The following TMEM200A variants were observed in gnomAD, a reference collection of about 807,000 sequenced individuals.
TMEM200A encodes the protein two transmembrane C.
In TMEM200A, 12 loss-of-function variants were observed where a neutral mutation model predicts 24.3. The ratio of observed to expected loss-of-function variants is 0.49; its 90% CI spans 0.32 to 0.80. The LOEUF is 0.80. Ranked by LOEUF, TMEM200A falls within the 30% of genes least tolerant of loss-of-function variation. The pLI is 0.04. For synonymous variants in TMEM200A, 224 were observed against 224.4 expected (o/e 1.00, Z 0.02); for missense variants, 545 against 614.4 (o/e 0.89, Z 1.19).
intron 2 of TMEM200A, among the ~76,000 whole-genome samples, chr6:130,399,001 AGTTT>A (rs1371813276): frequency 6.6e-6 from 1 of 151,908 alleles, no homozygotes; most frequent in Non-Finnish European, 1.5e-5. Flanking sequence ...ACACAATCTT[AGTTT>A]GTCTGAAAAT....
chr6:130,398,257 A>T (rs1051074402), intron 2 of TMEM200A, among the ~76,000 whole-genome samples: 1 of 151,980 alleles, frequency 6.6e-6, no homozygotes, highest in Admixed American at 6.6e-5. Flanking sequence ...CTCTCAGGTT[A>T]ATGGCCTCCA....
chr6:130,392,993 G>C (rs1257451408), intron 2 of TMEM200A, among the ~76,000 whole-genome samples: 1 of 152,236 alleles, frequency 6.6e-6, no homozygotes, highest in Non-Finnish European at 1.5e-5. Flanking sequence ...GTTCAATACA[G>C]CTAGGATTCC....
chr6:130,382,011 T>C (rs1016186365), intron 1 of TMEM200A: 4 of 970,936 alleles, frequency 4.1e-6, no homozygotes, highest in Admixed American at 6.2e-5. Flanking sequence ...AAAGATATAT[T>C]GTGAACCTTT....
At chr6:130,429,212 A>G (rs1052194709) in intron 2 of TMEM200A, among the ~76,000 whole-genome samples, 2 of 152,202 alleles carry the variant, frequency 1.3e-5, no homozygotes, top group African/African-American at 4.8e-5. Flanking sequence ...AGAACAGACT[A>G]GAAACTTTTG....
intron 2 of TMEM200A, among the ~76,000 whole-genome samples, chr6:130,428,131 A>G (rs1286607538): frequency 6.6e-6 from 1 of 152,144 alleles, no homozygotes; most frequent in Non-Finnish European, 1.5e-5. Flanking sequence ...TATTCCTGAC[A>G]TCTTAGGCAA....
rs770072764 is a variant in TMEM200A, at chr6:130,441,759, C to A, written c.1337C>A (p.Pro446His). The A allele has an allele frequency of 2.5e-6, 4 of 1,613,970 alleles. No homozygotes were observed. The Admixed American group carries it at 6.7e-5, about 27-fold the overall frequency. Reference sequence around the variant, plus strand: ...GACCCGATGGATAGGTTGCTTGTGCCCCAAGTTGCCATCAAAAAGGACTTT... The same window carrying A: ...GACCCGATGGATAGGTTGCTTGTGCACCAAGTTGCCATCAAAAAGGACTTT... ...KEDPMDRLLV[P>H]QVAIKKDFTN... The change falls in exon 3 of 3, where the codon CCC becomes CAC. Residue 446 changes from proline (P) to histidine (H), a missense_variant. Pro to His is a moderately conservative substitution (Grantham distance 77, BLOSUM62 -2). Transcript: ENST00000296978.
intron 2 of TMEM200A, among the ~76,000 whole-genome samples, chr6:130,396,378 T>A (rs1246577224): frequency 6.6e-6 from 1 of 151,708 alleles, no homozygotes; most frequent in East Asian, 1.9e-4. Context: ...TTTTTTTTTT[T>A]TTAAACTAAG....
intron 2 of TMEM200A, chr6:130,438,766 T>C (rs1363572914): frequency 6.6e-6 from 1 of 152,220 alleles, no homozygotes; most frequent in Non-Finnish European, 1.5e-5. Flanking sequence ...TGATCATAAG[T>C]AGAAGAACTG....
At chr6:130,422,092 C>T (rs1779606444) in intron 2 of TMEM200A, among the ~76,000 whole-genome samples, 1 of 152,060 alleles carries the variant, frequency 6.6e-6, no homozygotes, top group Non-Finnish European at 1.5e-5. Context: ...ATTGCTGGAT[C>T]GTATGGTAGT....
At chr6:130,436,851 T>A (rs1483200294) in intron 2 of TMEM200A, among the ~76,000 whole-genome samples, 4 of 152,090 alleles carry the variant, frequency 2.6e-5, no homozygotes, top group Non-Finnish European at 4.4e-5. Context: ...GGAGTCTTGC[T>A]ATGTTGCCAG....
chr6:130,434,329 T>A (rs996498599), intron 2 of TMEM200A, among the ~76,000 whole-genome samples: 10 of 152,218 alleles, frequency 6.6e-5, no homozygotes, highest in Non-Finnish European at 5.9e-5. Context: ...GTCTGCTAAT[T>A]CAGTGTTTGA....
chr6:130,436,446 A>G (rs1196098627), intron 2 of TMEM200A, among the ~76,000 whole-genome samples: 1 of 151,062 alleles, frequency 6.6e-6, no homozygotes, highest in African/African-American at 2.4e-5. Flanking sequence ...ACAGTCATAA[A>G]AGTGTAGGAT....
intron 2 of TMEM200A, among the ~76,000 whole-genome samples, chr6:130,387,145 T>C (rs745656754): frequency 1.8e-4 from 27 of 152,208 alleles, no homozygotes; most frequent in Non-Finnish European, 3.5e-4. Flanking sequence ...GACACTGAGA[T>C]GCCTAAGAGG....
intron 2 of TMEM200A, among the ~76,000 whole-genome samples, chr6:130,428,407 T>TCCTTTTTTCTTTATCCTCCA (rs1180912348): frequency 1.3e-5 from 2 of 152,174 alleles, no homozygotes; most frequent in East Asian, 3.8e-4. Flanking sequence ...CTCCACCTTT[T>TCCTTTTTTCTTTATCCTCCA]CCTTTTTTCT....
chr6:130,415,540 G>A (rs937598364), intron 2 of TMEM200A, among the ~76,000 whole-genome samples: 6 of 152,244 alleles, frequency 3.9e-5, no homozygotes, highest in Non-Finnish European at 7.4e-5. Flanking sequence ...TGAAGTCTCC[G>A]TAACATGGCA....
chr6:130,403,503 G>T (rs1452290507), intron 2 of TMEM200A, among the ~76,000 whole-genome samples: 1 of 151,954 alleles, frequency 6.6e-6, no homozygotes, highest in Non-Finnish European at 1.5e-5. Flanking sequence ...AGAAGAGGCA[G>T]ATTATATGCT....
Position 130,442,916 on chromosome 6 carries a change from G to C in TMEM200A, c.*1018G>C, listed in dbSNP as rs1058620. 1 of 166,758 alleles carries C rather than the reference G, an allele frequency of 6.0e-6. No individual in the cohort carries two copies. The highest frequency in any genetic ancestry group is 1.5e-5 in the Non-Finnish European group (1 of 68,044). 10.3% of individuals were successfully genotyped at this position (166,758 alleles called of 1,614,324 possible). On this transcript the variant is annotated 3_prime_UTR_variant, in exon 3 of 3. Transcript: ENST00000296978. Reference sequence around the variant, plus strand: ...TATCTCGGTAGTTCAAAAAAATTTAGTTCTTGATAAATTGCCTTGAAGTTT... The same window carrying C: ...TATCTCGGTAGTTCAAAAAAATTTACTTCTTGATAAATTGCCTTGAAGTTT...
chr6:130,406,105 T>C (rs1274000169), intron 2 of TMEM200A, among the ~76,000 whole-genome samples: 1 of 152,202 alleles, frequency 6.6e-6, no homozygotes, highest in African/African-American at 2.4e-5. Flanking sequence ...CATCAGATCC[T>C]TGTCTTTTCA....
chr6:130,388,591 A>T (rs1264515729), intron 2 of TMEM200A, among the ~76,000 whole-genome samples: 2 of 152,178 alleles, frequency 1.3e-5, no homozygotes, highest in African/African-American at 2.4e-5. Context: ...TTCTAATAAG[A>T]TGATTGGTTC....
Sources: allele counts gnomAD v4.1 joint callset (sites outside exome capture counted in the v4.1 genomes callset), GRCh38; gene constraint gnomAD v4.1.1; transcripts MANE v1.5; gene names NCBI Gene and HGNC (gene_info 2026-07-23, HGNC 2026-07-21).